The following WDR37 variants were observed in gnomAD, a reference collection of about 807,000 sequenced individuals.
WDR37 encodes WD repeat-containing protein 37.
In WDR37, 19 loss-of-function variants were observed where a neutral mutation model predicts 62.9. The ratio of observed to expected loss-of-function variants is 0.30; its 90% CI spans 0.21 to 0.44. The LOEUF (loss-of-function observed/expected upper bound fraction) is 0.44. WDR37 is among the 20% of genes least tolerant of loss of function. WDR37 has a pLI of 1.00. For synonymous variants in WDR37, 250 were observed against 260.9 expected (o/e 0.96, Z 0.40); for missense variants, 474 against 657.6 (o/e 0.72, Z 3.05).
At chr10:1,078,066 TA>T in intron 3 of WDR37, 63 bp downstream of exon 3, 1 of 1,276,006 alleles carries the variant, frequency 7.8e-7, no homozygotes, top group Non-Finnish European at 1.1e-6. Flanking sequence ...AATTTATGAA[TA>T]GACATTCATC....
chr10:1,059,722 G>A (rs1042099608), intron 1 of WDR37, among the ~76,000 whole-genome samples: 1 of 151,890 alleles, frequency 6.6e-6, no homozygotes, highest in Non-Finnish European at 1.5e-5. Flanking sequence ...GGTTGAACCC[G>A]GGAGGTGGAG....
chr10:1,090,826 G>T (rs1467649007), intron 7 of WDR37, among the ~76,000 whole-genome samples: 1 of 152,188 alleles, frequency 6.6e-6, no homozygotes, highest in African/African-American at 2.4e-5. Flanking sequence ...GGGTAGCCGT[G>T]GCTGGCATCC....
Position 1,132,048 on chromosome 10 carries a change from TTTA to T in WDR37, c.*2706_*2708del, listed in dbSNP as rs1413022884. On this transcript the variant is annotated 3_prime_UTR_variant, in exon 14 of 14. Transcript: ENST00000263150. ...ATTTCTTTGGAGGAAAATGTATGCA[TTTA>T]TAAGTGTTCCATGGAATCAGTTTTT... is the stretch of plus-strand genomic sequence containing the variant. 6.6e-6 allele frequency: 1 copy of T among 152,670 alleles called. No homozygotes were observed. Among genetic ancestry groups the T allele is most frequent in the African/African-American group, 2.4e-5 (1 of 41,466 alleles). The allele number at this position is 152,670 out of a possible 1,614,324, so 9.5% of individuals were successfully genotyped here. A position where few individuals can be genotyped will look rare whatever the true frequency, so the allele number is the denominator to read the frequency against.
Position 1,080,493 on chromosome 10 carries a change from C to T in WDR37, c.396+17C>T, listed in dbSNP as rs1350562444. ...ACCAGCAAGGTATGCAGGCCACTGG[C>T]TCTTGAGCCATCATGTGGTGGTTAA... On this transcript the variant is annotated intron_variant, in intron 5 of 13. Coordinates refer to ENST00000263150, the MANE Select transcript of WDR37 (RefSeq NM_014023.4). The T allele has an allele frequency of 6.2e-7, 1 of 1,613,826 alleles. No homozygotes were observed. Among genetic ancestry groups the T allele is most frequent in the African/African-American group, 1.3e-5 (1 of 74,934 alleles).
At chr10:1,089,748 C>T (rs1834326660) in intron 7 of WDR37, among the ~76,000 whole-genome samples, 1 of 152,318 alleles carries the variant, frequency 6.6e-6, no homozygotes, top group South Asian at 2.1e-4. Context: ...CACTCACCGT[C>T]ACCATCTGCT....
intron 2 of WDR37, among the ~76,000 whole-genome samples, chr10:1,073,722 C>T (rs1833787916): frequency 6.6e-6 from 1 of 152,184 alleles, no homozygotes; most frequent in Admixed American, 6.5e-5. Flanking sequence ...GGGCTAGTTC[C>T]TCCTGAGGCC....
chr10:1,061,311 C>G (rs547504655), intron 1 of WDR37, among the ~76,000 whole-genome samples: 1 of 152,276 alleles, frequency 6.6e-6, no homozygotes, highest in East Asian at 1.9e-4. Flanking sequence ...TTTACAAACA[C>G]CTGCCACTTC....
chr10:1,096,265 C>T lies in WDR37; in HGVS notation c.726+19C>T. 6.2e-7 allele frequency: 1 copy of T among 1,612,638 alleles called. No individual in the cohort carries two copies. The highest frequency in any genetic ancestry group is 8.5e-7 in the Non-Finnish European group (1 of 1,178,716). On this transcript the variant is annotated intron_variant, in intron 9 of 13. Transcript: ENST00000263150. ...CACTAGTGTAAGCACCTTTCCTTAC[C>T]TGTGAATGTGTAGGATGCTGATGTC...
intron 1 of WDR37, among the ~76,000 whole-genome samples, chr10:1,067,407 T>C (rs1436290537): frequency 1.3e-5 from 2 of 152,230 alleles, no homozygotes; most frequent in African/African-American, 2.4e-5. Flanking sequence ...GTCATGACTT[T>C]AAAAGTGTGA....
chr10:1,107,839 C>T (rs1248628489), intron 11 of WDR37, among the ~76,000 whole-genome samples: 3 of 152,124 alleles, frequency 2.0e-5, no homozygotes, highest in African/African-American at 4.8e-5. Context: ...ACACGCCTCT[C>T]TCTGAAACAC....
chr10:1,080,470 C>G lies in WDR37; in HGVS notation c.390C>G (p.Thr130=). The G allele has an allele frequency of 3.1e-6, 5 of 1,614,200 alleles. No individual in the cohort carries two copies. The highest frequency in any genetic ancestry group is 4.2e-6 in the Non-Finnish European group (5 of 1,180,038). ...QKLKTTYKAS[T]SKIVSSFKTT... ...TGAAGACCACTTACAAGGCTTCCAC[C>G]AGCAAGGTATGCAGGCCACTGGCTC... Residue 130 remains threonine, a synonymous_variant, in exon 5 of 14, where the codon ACC becomes ACG. Transcript: ENST00000263150.
intron 5 of WDR37, among the ~76,000 whole-genome samples, chr10:1,080,965 C>T (rs1275313291): frequency 1.3e-5 from 2 of 151,570 alleles, no homozygotes; most frequent in East Asian, 3.9e-4. Flanking sequence ...ACCCTAGTAC[C>T]TACAGGGATT....
intron 1 of WDR37, among the ~76,000 whole-genome samples, chr10:1,070,751 A>G (rs556296153): frequency 1.3e-5 from 2 of 152,234 alleles, no homozygotes; most frequent in Non-Finnish European, 2.9e-5. Context: ...TCTGTTAAGA[A>G]TACTCTCTTC....
intron 13 of WDR37, among the ~76,000 whole-genome samples, chr10:1,126,372 C>A (rs574657032): frequency 3.1e-4 from 47 of 149,698 alleles, no homozygotes; most frequent in Admixed American, 1.1e-3. Flanking sequence ...CGCCACTGCA[C>A]TCCAGCCTGG....
intron 11 of WDR37, among the ~76,000 whole-genome samples, chr10:1,115,030 G>GTTT (rs199799863): frequency 3.5e-5 from 5 of 142,558 alleles, no homozygotes; most frequent in Non-Finnish European, 6.1e-5. Context: ...TCCCTTTTTT[G>GTTT]TTTTTTTTTT....
In WDR37 at chr10:1,111,998, T is replaced by C. The variant is rs185715482; in HGVS notation, c.1103+6731T>C. 8.8e-3 allele frequency among the ~76,000 whole-genome samples: 1,332 copies of C among 151,784 alleles called. 15 individuals are homozygous for C. Among genetic ancestry groups the C allele is most frequent in the Non-Finnish European group, 9.8e-3 (666 of 67,940 alleles). ...CTCACTGCAACCTCCACCTCCTGGG[T>C]TCAAGCGATTCCCCTGCCTCAGCCT... is the stretch of plus-strand genomic sequence containing the variant. On this transcript the variant is annotated intron_variant, in intron 11 of 13. Coordinates refer to ENST00000263150, the MANE Select transcript of WDR37 (RefSeq NM_014023.4).
chr10:1,080,549 T>C, intron 5 of WDR37, 73 bp downstream of exon 5: 4 of 1,522,664 alleles, frequency 2.6e-6, no homozygotes, highest in Non-Finnish European at 2.7e-6. Flanking sequence ...AAGTTGTTTA[T>C]TTTCCAATTA....
At chr10:1,066,534 A>G (rs914718034) in intron 1 of WDR37, among the ~76,000 whole-genome samples, 6 of 152,230 alleles carry the variant, frequency 3.9e-5, no homozygotes, top group South Asian at 2.1e-4. Flanking sequence ...CCCCAGATTG[A>G]TGTACAGATT....
At chr10:1,122,470 T>C (rs1335433967) in intron 11 of WDR37, among the ~76,000 whole-genome samples, 2 of 152,146 alleles carry the variant, frequency 1.3e-5, no homozygotes, top group African/African-American at 4.8e-5. Flanking sequence ...TGCCCTGAAG[T>C]CAGACCATGC....
Sources: gnomAD v4.1 joint callset for allele counts (sites outside exome capture counted in the v4.1 genomes callset) on GRCh38, gnomAD v4.1.1 for gene constraint, MANE v1.5 for transcripts, NCBI Gene and HGNC (gene_info 2026-07-23, HGNC 2026-07-21) for gene names.